RNF157: variants seen among roughly 807,000 people sequenced by gnomAD.
RNF157 encodes ring finger protein 157.
A neutral mutation model predicts 88.3 loss-of-function variants in RNF157; 55 were observed. The observed-to-expected ratio is 0.62, with a 90% CI of 0.50 to 0.78. The LOEUF (loss-of-function observed/expected upper bound fraction) is 0.78, where lower values mean the gene tolerates loss of function less well. Ranked by LOEUF, RNF157 falls within the 30% of genes least tolerant of loss-of-function variation. The pLI is 0.00. For missense variants in RNF157, 788 were observed against 860.8 expected (o/e 0.92, Z 1.06); for synonymous variants, 334 against 341.2 (o/e 0.98, Z 0.23).
At chr17:76,186,500 T>C (rs2069290323) in intron 2 of RNF157, among the ~76,000 whole-genome samples, 1 of 151,314 alleles carries the variant, frequency 6.6e-6, no homozygotes, top group African/African-American at 2.4e-5. Flanking sequence ...AGAGTGAGAC[T>C]CTGTCTCAAA....
chr17:76,165,620 C>T (rs1245921173), intron 6 of RNF157, 75 bp from the exon 7 acceptor site: 5 of 1,522,988 alleles, frequency 3.3e-6, no homozygotes, highest in Non-Finnish European at 4.6e-6. Flanking sequence ...CTCCAGTTCC[C>T]TGCAATCTGG....
chr17:76,230,535 A>G (rs1598448178), intron 1 of RNF157, among the ~76,000 whole-genome samples: 2 of 152,062 alleles, frequency 1.3e-5, no homozygotes, highest in Admixed American at 6.6e-5. Flanking sequence ...CCAATCACTC[A>G]TATTTCTTAA....
chr17:76,200,199 G>A (rs529134391), intron 2 of RNF157, among the ~76,000 whole-genome samples: 45 of 151,584 alleles, frequency 3.0e-4, no homozygotes, highest in African/African-American at 5.3e-4. Context: ...CCAAGATCGC[G>A]CCACTCCATG....
At chr17:76,166,916 A>T in intron 5 of RNF157, 93 bp downstream of exon 5, 1 of 777,856 alleles carries the variant, frequency 1.3e-6, no homozygotes, top group Non-Finnish European at 2.1e-6. Flanking sequence ...GCCTTCAAGC[A>T]TCCGAGCAGC....
intron 12 of RNF157, among the ~76,000 whole-genome samples, chr17:76,159,123 A>G (rs772781797): frequency 1.3e-5 from 2 of 152,206 alleles, no homozygotes; most frequent in Non-Finnish European, 2.9e-5. Context: ...AGAATACATA[A>G]GAGATTTGTC....
intron 7 of RNF157, among the ~76,000 whole-genome samples, chr17:76,165,301 T>G (rs545427714): frequency 6.6e-6 from 1 of 152,206 alleles, no homozygotes; most frequent in Admixed American, 6.5e-5. Context: ...TTATTTATTT[T>G]TTTTGAGACA....
chr17:76,145,848 T>C (rs1018563583), intron 18 of RNF157, among the ~76,000 whole-genome samples: 10 of 152,250 alleles, frequency 6.6e-5, no homozygotes, highest in African/African-American at 2.4e-4. Flanking sequence ...CCAGCAGGGT[T>C]CCTGGGATGG....
At position 76,143,585 on chromosome 17, in the gene RNF157, T is replaced by C. The variant is rs1420014320; in HGVS notation, c.*1650A>G. On this transcript the variant is annotated 3_prime_UTR_variant, in exon 19 of 19. Coordinates refer to ENST00000269391, the MANE Select transcript of RNF157 (RefSeq NM_052916.3). ...TGGGGCCTGAAATGGTAAAGTCTAC[T>C]GCAGTTTTTCAGAGAGGGTTGGACG... The C allele has an allele frequency of 6.6e-6, 1 of 152,180 alleles. No individual in the cohort carries two copies. The highest frequency in any genetic ancestry group is 1.5e-5 in the Non-Finnish European group (1 of 68,048). 9.4% of individuals were successfully genotyped at this position (152,180 alleles called of 1,614,324 possible).
chr17:76,212,976 G>A (rs1253862185), intron 1 of RNF157, among the ~76,000 whole-genome samples: 1 of 152,134 alleles, frequency 6.6e-6, no homozygotes, highest in Non-Finnish European at 1.5e-5. Flanking sequence ...TAAAATCATA[G>A]CAGGGAAAAC....
intron 2 of RNF157, among the ~76,000 whole-genome samples, chr17:76,174,407 C>T (rs1393743988): frequency 1.3e-5 from 2 of 152,170 alleles, no homozygotes; most frequent in Non-Finnish European, 2.9e-5. Flanking sequence ...CCGCTTCTTC[C>T]CCCTTTGCCC....
At position 76,152,405 on chromosome 17, in the gene RNF157, G is replaced by T. The variant is rs1202565036; in HGVS notation, c.1871C>A (p.Ala624Glu). The change falls in exon 18 of 19, where the codon GCA becomes GAA. Residue 624 changes from alanine to glutamate, a missense_variant. Coordinates refer to ENST00000269391, the MANE Select transcript of RNF157 (RefSeq NM_052916.3). ...ECDNNNDFDI[A>E]SVKALDNKLC... ...CTTATTGTCCAGTGCTTTCACGCTT[G>T]CGATGTCAAAGTCATTGTTATTGTC... 1.9e-6 allele frequency: 3 copies of T among 1,613,860 alleles called. No homozygotes were observed. The highest frequency in any genetic ancestry group is 2.5e-6 in the Non-Finnish European group (3 of 1,179,742).
intron 1 of RNF157, among the ~76,000 whole-genome samples, chr17:76,231,876 C>T (rs2070198405): frequency 6.6e-6 from 1 of 152,204 alleles, no homozygotes; most frequent in African/African-American, 2.4e-5. Flanking sequence ...CAAAATGTTC[C>T]ATCATGCCCA....
intron 1 of RNF157, among the ~76,000 whole-genome samples, chr17:76,234,798 TTC>T (rs1287697261): frequency 6.6e-6 from 1 of 152,238 alleles, no homozygotes; most frequent in Non-Finnish European, 1.5e-5. Flanking sequence ...ATTTCTCCCA[TTC>T]TCTGAGTTCT....
chr17:76,159,469 T>A lies in RNF157; in HGVS notation c.1170A>T (p.Gly390=). 6.2e-7 allele frequency: 1 copy of A among 1,610,602 alleles called. No homozygotes were observed. The highest frequency in any genetic ancestry group is 8.5e-7 in the Non-Finnish European group (1 of 1,178,768). Residue 390 remains glycine (G), a synonymous_variant, in exon 12 of 19, where the codon GGA becomes GGT. Transcript: ENST00000269391. ...SPAVPPLHVL[G]DGHLSGMLPS... ...GGAGCATTCCTGAGAGGTGGCCATC[T>A]CCAAGCACGTGAAGTGGAGGAACTG...
chr17:76,178,143 C>T (rs1307931864), intron 2 of RNF157, among the ~76,000 whole-genome samples: 1 of 152,252 alleles, frequency 6.6e-6, no homozygotes, highest in African/African-American at 2.4e-5. Flanking sequence ...CTGAAACATG[C>T]TCCTTGCTTG....
chr17:76,231,047 T>C (rs894607623), intron 1 of RNF157, among the ~76,000 whole-genome samples: 3 of 151,704 alleles, frequency 2.0e-5, no homozygotes, highest in Non-Finnish European at 4.4e-5. Flanking sequence ...GAGGCGATCC[T>C]CTTGTTTGTG....
At chr17:76,202,089 A>C (rs1326820023) in intron 2 of RNF157, among the ~76,000 whole-genome samples, 1 of 151,308 alleles carries the variant, frequency 6.6e-6, no homozygotes, top group Non-Finnish European at 1.5e-5. Flanking sequence ...AGCATGCAAA[A>C]GGCAAATAAC....
rs1039286658 is a variant in RNF157, at chr17:76,213,784, C to T, written c.89-1302G>A. Among the ~76,000 whole-genome samples, 4 of 152,230 alleles carry T rather than the reference C, an allele frequency of 2.6e-5. No homozygotes were observed. In the East Asian group the frequency reaches 7.7e-4, roughly 29 times the overall value. On this transcript the variant is annotated intron_variant, in intron 1 of 18. Transcript: ENST00000269391. ...GAGAGGGGATGAAAGTTAAGTTGAT[C>T]ATCAATGTCCAATGATGTAATCAAC...
chr17:76,212,075 A>T, intron 2 of RNF157: 1 of 225,076 alleles, frequency 4.4e-6, no homozygotes, highest in Non-Finnish European at 8.7e-6. Context: ...AAAAAAAAAA[A>T]GGTAAGCCCT....
Sources: allele counts gnomAD v4.1 joint callset (sites outside exome capture counted in the v4.1 genomes callset), GRCh38; gene constraint gnomAD v4.1.1; transcripts MANE v1.5; gene names NCBI Gene and HGNC (gene_info 2026-07-23, HGNC 2026-07-21).